The following ENTREP2 variants were observed in gnomAD, a reference collection of about 807,000 sequenced individuals.
ENTREP2 encodes the protein protein ENTREP2.
chr15:29,617,089 AG>A, the ENTREP2 span, among the ~76,000 whole-genome samples: 1 of 150,274 alleles, frequency 6.7e-6, no homozygotes, highest in East Asian at 1.9e-4. Flanking sequence ...TAAATAAATA[AG>A]ATAAGATTTA....
chr15:29,441,555 CGT>C, the ENTREP2 span, among the ~76,000 whole-genome samples: 1 of 151,922 alleles, frequency 6.6e-6, no homozygotes, highest in East Asian at 1.9e-4. Flanking sequence ...GTTATGCGCA[CGT>C]GTGTGTGTGT....
the ENTREP2 span, among the ~76,000 whole-genome samples, chr15:29,666,805 T>A: frequency 6.6e-6 from 1 of 152,160 alleles, no homozygotes; most frequent in Non-Finnish European, 1.5e-5. Context: ...GCATAAACAA[T>A]AGAAATGTAG....
the ENTREP2 span, among the ~76,000 whole-genome samples, chr15:29,504,057 G>A: frequency 5.3e-5 from 8 of 152,278 alleles, no homozygotes; most frequent in South Asian, 6.2e-4. Flanking sequence ...GAAAGTAGAC[G>A]AATGTTAACT....
At chr15:29,487,388 G>A in the ENTREP2 span, among the ~76,000 whole-genome samples, 1 of 152,150 alleles carries the variant, frequency 6.6e-6, no homozygotes, top group Non-Finnish European at 1.5e-5. Context: ...AGTGTTAAAG[G>A]AGGACTCCAC....
At chr15:29,408,514 G>T in the ENTREP2 span, among the ~76,000 whole-genome samples, 1 of 152,168 alleles carries the variant, frequency 6.6e-6, no homozygotes, top group Non-Finnish European at 1.5e-5. Context: ...TTCACTGGGT[G>T]AAGTATGAGA....
chr15:29,413,083 TTTG>T, the ENTREP2 span, among the ~76,000 whole-genome samples: 1 of 152,136 alleles, frequency 6.6e-6, no homozygotes, highest in Admixed American at 6.5e-5. Flanking sequence ...CATTTATCCT[TTTG>T]TTATTTATTT....
the ENTREP2 span, among the ~76,000 whole-genome samples, chr15:29,598,434 C>T: frequency 6.6e-6 from 1 of 152,176 alleles, no homozygotes; most frequent in Non-Finnish European, 1.5e-5. Context: ...AATATTGATT[C>T]AGAAATTTTA....
the ENTREP2 span, among the ~76,000 whole-genome samples, chr15:29,334,645 G>A: frequency 6.6e-6 from 1 of 152,160 alleles, no homozygotes; most frequent in Admixed American, 6.5e-5. Context: ...GTAAATTAAA[G>A]GTGGCTTCTC....
chr15:29,341,533 A>G, the ENTREP2 span, among the ~76,000 whole-genome samples: 5 of 152,184 alleles, frequency 3.3e-5, no homozygotes, highest in African/African-American at 1.2e-4. Flanking sequence ...TCACTCCACA[A>G]CATGCAAACC....
At chr15:29,475,831 GGA>G in the ENTREP2 span, among the ~76,000 whole-genome samples, 1 of 152,194 alleles carries the variant, frequency 6.6e-6, no homozygotes, top group Non-Finnish European at 1.5e-5. Flanking sequence ...CTTCCCGAGA[GGA>G]GAGACCTCCA....
At chr15:29,385,851 C>T in the ENTREP2 span, among the ~76,000 whole-genome samples, 1 of 152,122 alleles carries the variant, frequency 6.6e-6, no homozygotes, top group African/African-American at 2.4e-5. Flanking sequence ...ATCCTGTGCC[C>T]ATAAAAATCT....
the ENTREP2 span, among the ~76,000 whole-genome samples, chr15:29,306,481 A>G: frequency 6.6e-6 from 1 of 152,130 alleles, no homozygotes; most frequent in African/African-American, 2.4e-5. Context: ...GTTATATGTA[A>G]CAAGTTTAGG....
the ENTREP2 span, among the ~76,000 whole-genome samples, chr15:29,554,150 T>C: frequency 6.6e-6 from 1 of 151,888 alleles, no homozygotes; most frequent in African/African-American, 2.4e-5. Context: ...CCGTCTCTAC[T>C]AAAAATACAA....
the ENTREP2 span, among the ~76,000 whole-genome samples, chr15:29,391,440 C>G: frequency 1.3e-5 from 2 of 152,002 alleles, no homozygotes; most frequent in African/African-American, 4.8e-5. Flanking sequence ...AGAAGCAAAA[C>G]TATAAATTGA....
the ENTREP2 span, chr15:29,235,238 T>A: frequency 1.9e-6 from 1 of 530,138 alleles, no homozygotes; most frequent in Non-Finnish European, 3.5e-6. Context: ...ATAGAACATT[T>A]AAAAAAATAA....
At chr15:29,483,485 G>T in the ENTREP2 span, among the ~76,000 whole-genome samples, 2 of 152,192 alleles carry the variant, frequency 1.3e-5, no homozygotes, top group Non-Finnish European at 2.9e-5. Flanking sequence ...TTAGGTCTAT[G>T]ATCTATTTTA....
the ENTREP2 span, among the ~76,000 whole-genome samples, chr15:29,645,785 C>G: frequency 6.6e-6 from 1 of 152,108 alleles, no homozygotes; most frequent in Non-Finnish European, 1.5e-5. Context: ...TGGTCTCAAT[C>G]TCCTGACCTC....
At chr15:29,489,498 T>G in the ENTREP2 span, among the ~76,000 whole-genome samples, 1 of 128,818 alleles carries the variant, frequency 7.8e-6, no homozygotes, top group Non-Finnish European at 1.6e-5. Flanking sequence ...TGAACTTTGA[T>G]TCTGTATGTG....
chr15:29,199,476 C>T, the ENTREP2 span, among the ~76,000 whole-genome samples: 5 of 152,120 alleles, frequency 3.3e-5, no homozygotes, highest in South Asian at 2.1e-4. Context: ...TCAATGGAAA[C>T]GTCTCTAAGA....
Sources: allele counts gnomAD v4.1 joint callset (sites outside exome capture counted in the v4.1 genomes callset), GRCh38; gene constraint gnomAD v4.1.1; transcripts MANE v1.5; gene names NCBI Gene and HGNC (gene_info 2026-07-23, HGNC 2026-07-21).